PSD3: variants seen among roughly 807,000 people sequenced by gnomAD.
PSD3 encodes PH and SEC7 domain-containing protein 3.
Under a neutral mutation model 105.5 loss-of-function variants are expected in PSD3, and 49 were observed. That is an observed-to-expected ratio of 0.46 (90% confidence interval 0.37 to 0.59). The LOEUF (loss-of-function observed/expected upper bound fraction) is 0.59, where lower values mean the gene tolerates loss of function less well. Ranked by LOEUF, PSD3 falls within the 20% of genes least tolerant of loss-of-function variation. PSD3 has a pLI of 0.00. For missense variants in PSD3, 1,561 were observed against 1,263.8 expected (o/e 1.24, Z -3.57); for synonymous variants, 557 against 457.8 (o/e 1.22, Z -2.77).
chr8:19,083,589 G>C (rs1829711879), intron 1 of PSD3, among the ~76,000 whole-genome samples: 3 of 152,206 alleles, frequency 2.0e-5, no homozygotes, highest in Non-Finnish European at 2.9e-5. Flanking sequence ...GAGAGCCCTA[G>C]AAAGTCAGGT....
chr8:18,997,648 G>T (rs763863055), intron 1 of PSD3, among the ~76,000 whole-genome samples: 1 of 152,012 alleles, frequency 6.6e-6, no homozygotes, highest in African/African-American at 2.4e-5. Flanking sequence ...AGGACCTGGC[G>T]ACGGTGTCCG....
Position 18,618,773 on chromosome 8 carries a change from T to C in PSD3, c.2410+13840A>G, listed in dbSNP as rs549601583. ...ATGGCTCACTGCAGACTTAACATCC[T>C]GGGCTCAAGCAATCCTCCCACCTTA... On this transcript the variant is annotated intron_variant, in intron 11 of 15. Transcript: ENST00000327040. Among the ~76,000 whole-genome samples the C allele has an allele frequency of 1.2e-3, 189 of 152,208 alleles. 8 individuals carry two copies. The South Asian group carries it at 0.038, about 31-fold the overall frequency.
chr8:18,711,403 G>A (rs577043166), intron 9 of PSD3, among the ~76,000 whole-genome samples: 99 of 152,090 alleles, frequency 6.5e-4, no homozygotes, highest in Admixed American at 1.6e-3. Flanking sequence ...CATCTCACAC[G>A]CAAAGACACA....
At position 18,753,035 on chromosome 8, in the gene PSD3, G is replaced by C. The variant is rs150779401; in HGVS notation, c.2172+12414C>G. Among the ~76,000 whole-genome samples the C allele has an allele frequency of 1.8e-3, 271 of 152,020 alleles. 1 individual carries two copies. The highest frequency in any genetic ancestry group is 0.01 in the Middle Eastern group (3 of 290). ...TAAGTTCATTTTTTTCTGGGAAAAA[G>C]TGTGAAGGTATCAGGATTTTTCTCA... On this transcript the variant is annotated intron_variant, in intron 9 of 15. Coordinates refer to ENST00000327040, the MANE Select transcript of PSD3 (RefSeq NM_015310.4).
chr8:18,749,718 T>A (rs1337099158), intron 9 of PSD3, among the ~76,000 whole-genome samples: 1 of 151,694 alleles, frequency 6.6e-6, no homozygotes, highest in East Asian at 1.9e-4. Context: ...GATGAGGAGG[T>A]CAGACAGTAC....
intron 10 of PSD3, among the ~76,000 whole-genome samples, chr8:18,653,643 A>G (rs1036930517): frequency 4.6e-5 from 7 of 152,180 alleles, no homozygotes; most frequent in African/African-American, 1.7e-4. Context: ...CTAACTTCAC[A>G]AGAAGAAACC....
chr8:19,001,882 A>C (rs150907025), intron 1 of PSD3: 1 of 182,770 alleles, frequency 5.5e-6, no homozygotes, highest in African/African-American at 2.4e-5. Context: ...CATCCCCCAG[A>C]AACTGTGGAC....
At chr8:19,010,047 T>A (rs1159102018) in intron 1 of PSD3, among the ~76,000 whole-genome samples, 1 of 152,204 alleles carries the variant, frequency 6.6e-6, no homozygotes, top group African/African-American at 2.4e-5. Context: ...CCAATAATAA[T>A]CTTTTAAAAA....
intron 2 of PSD3, among the ~76,000 whole-genome samples, chr8:18,932,025 G>A (rs1821783572): frequency 6.6e-6 from 1 of 152,158 alleles, no homozygotes; most frequent in Non-Finnish European, 1.5e-5. Context: ...ATCTATAAAA[G>A]GCAAAGGTGA....
intron 4 of PSD3, among the ~76,000 whole-genome samples, chr8:18,866,454 C>G (rs1437551544): frequency 6.6e-6 from 1 of 152,182 alleles, no homozygotes; most frequent in Non-Finnish European, 1.5e-5. Context: ...CTCACAGCCT[C>G]ACAACACACT....
At chr8:18,952,754 C>A (rs946822256) in intron 1 of PSD3, among the ~76,000 whole-genome samples, 5 of 152,170 alleles carry the variant, frequency 3.3e-5, no homozygotes, top group African/African-American at 1.2e-4. Context: ...ATTAAATACA[C>A]TTTATTCAGG....
At chr8:18,963,786 C>T (rs73588652) in intron 1 of PSD3, among the ~76,000 whole-genome samples, 3,728 of 152,254 alleles carry the variant, frequency 0.024, 160 homozygotes, top group African/African-American at 0.086. Context: ...AAAATATAGA[C>T]ACCACATTAT....
In PSD3 at chr8:18,671,440, C is replaced by T. The variant is rs1204830643; in HGVS notation, c.2173-15755G>A. Among the ~76,000 whole-genome samples, 8 of 152,100 alleles carry T rather than the reference C, an allele frequency of 5.3e-5. No homozygotes were observed. In the South Asian group the frequency reaches 1.0e-3, roughly 20 times the overall value. On this transcript the variant is annotated intron_variant, in intron 9 of 15. Coordinates refer to ENST00000327040, the MANE Select transcript of PSD3 (RefSeq NM_015310.4). ...TATTTTTATTTGTGAAATCTGGCAA[C>T]CCTATGCCAGCCACAACTCTCTTTC...
intron 8 of PSD3, among the ~76,000 whole-genome samples, chr8:18,775,498 C>A (rs952537944): frequency 6.6e-6 from 1 of 152,140 alleles, no homozygotes; most frequent in Non-Finnish European, 1.5e-5. Context: ...TTCTGGCCAG[C>A]ACTCATTGTT....
At chr8:18,947,724 A>G (rs1485348198) in intron 1 of PSD3, among the ~76,000 whole-genome samples, 2 of 152,156 alleles carry the variant, frequency 1.3e-5, no homozygotes, top group African/African-American at 2.4e-5. Flanking sequence ...TTTTAACCAG[A>G]TGGGAAGATT....
At chr8:18,584,101 G>C (rs560246214) in intron 12 of PSD3, among the ~76,000 whole-genome samples, 5 of 152,176 alleles carry the variant, frequency 3.3e-5, no homozygotes, top group Admixed American at 3.3e-4. Flanking sequence ...ACCTGAAAAA[G>C]GTCTATGTTA....
intron 9 of PSD3, among the ~76,000 whole-genome samples, chr8:18,663,142 T>A (rs532383746): frequency 2.6e-5 from 4 of 152,068 alleles, no homozygotes; most frequent in Non-Finnish European, 5.9e-5. Flanking sequence ...AACCTGAAAG[T>A]GAAGGCCGGG....
chr8:18,965,831 C>T (rs1036844592), intron 1 of PSD3, among the ~76,000 whole-genome samples: 9 of 152,182 alleles, frequency 5.9e-5, no homozygotes, highest in African/African-American at 9.7e-5. Context: ...AAAAGCAACA[C>T]GTGAACAAAA....
intron 10 of PSD3, among the ~76,000 whole-genome samples, chr8:18,636,078 T>A (rs573288337): frequency 1.1e-3 from 163 of 152,250 alleles, no homozygotes; most frequent in Non-Finnish European, 1.7e-3. Flanking sequence ...AAGGCTTTGT[T>A]ATCATAGGAG....
Sources: gnomAD v4.1 joint callset for allele counts (sites outside exome capture counted in the v4.1 genomes callset) on GRCh38, gnomAD v4.1.1 for gene constraint, MANE v1.5 for transcripts, NCBI Gene and HGNC (gene_info 2026-07-23, HGNC 2026-07-21) for gene names.